Variants in NTF3 observed in about 807,000 individuals in gnomAD.
The protein encoded by NTF3 is neurotrophin-3.
In NTF3, 8 loss-of-function variants were observed where a neutral mutation model predicts 26.3. The observed-to-expected ratio is 0.30, with a 90% CI of 0.18 to 0.55. NTF3 has a LOEUF of 0.55. Among genes scored for constraint, NTF3 ranks in the 20% least tolerant of loss-of-function variants. The probability of loss-of-function intolerance (pLI) is 0.93; values close to 1 mark genes in which losing one functional copy is unlikely to be tolerated. For missense variants in NTF3, 276 were observed against 352.9 expected (o/e 0.78, Z 1.75); for synonymous variants, 154 against 145.5 (o/e 1.06, Z -0.42).
At chr12:5,448,484 C>T (rs1339070688) in intron 1 of NTF3, among the ~76,000 whole-genome samples, 6 of 152,272 alleles carry the variant, frequency 3.9e-5, no homozygotes, top group South Asian at 4.1e-4. Flanking sequence ...TCTGGGCTCT[C>T]GTGTCCTGAA....
chr12:5,485,664 C>T (rs1940858090), intron 1 of NTF3, among the ~76,000 whole-genome samples: 1 of 152,122 alleles, frequency 6.6e-6, no homozygotes, highest in East Asian at 1.9e-4. Flanking sequence ...AGTGTTTGTG[C>T]CAAAATTGCT....
chr12:5,430,481 C>T (rs1940071064), upstream of NTF3, among the ~76,000 whole-genome samples: 1 of 151,846 alleles, frequency 6.6e-6, no homozygotes, highest in South Asian at 2.1e-4. Flanking sequence ...GGTGACGCCC[C>T]TGGGCCTCGG....
chr12:5,455,533 AAC>A (rs60429736), intron 1 of NTF3, among the ~76,000 whole-genome samples: 1,640 of 103,776 alleles, frequency 0.016, 15 homozygotes, highest in African/African-American at 0.016. Flanking sequence ...ACCCCTCCCC[AAC>A]ACACACACAC....
rs1591596825 is a variant in NTF3, at chr12:5,456,793, T to C, written c.18+24451T>C. Reference sequence around the variant, plus strand: ...AAGATTTTTACCAGGCTTCCTGGAATAGACAGGGAAGCAGAGCAAGCTCCC... The same window carrying C: ...AAGATTTTTACCAGGCTTCCTGGAACAGACAGGGAAGCAGAGCAAGCTCCC... On this transcript the variant is annotated intron_variant, in intron 1 of 1. Coordinates refer to ENST00000423158, the MANE Select transcript of NTF3 (RefSeq NM_001102654.2). This position sits in a 1 kb window ranked among gnomAD's most constrained non-coding sequence, Gnocchi z 4.4. Among the ~76,000 whole-genome samples, 1 of 152,216 alleles carries C rather than the reference T, an allele frequency of 6.6e-6. No homozygotes were observed. The highest frequency in any genetic ancestry group is 1.9e-4 in the East Asian group (1 of 5,198).
At chr12:5,465,839 G>T (rs1463530529) in intron 1 of NTF3, among the ~76,000 whole-genome samples, 1 of 152,222 alleles carries the variant, frequency 6.6e-6, no homozygotes, top group East Asian at 1.9e-4. Context: ...CAAGGACTTG[G>T]CATCTATCTT....
intron 1 of NTF3, among the ~76,000 whole-genome samples, chr12:5,471,976 C>T (rs2121211968): frequency 6.6e-6 from 1 of 152,268 alleles, no homozygotes; most frequent in Middle Eastern, 3.4e-3. Flanking sequence ...AGCCCCAAGA[C>T]CTTCCTCTGC....
At chr12:5,488,969 T>C (rs1433801185) in intron 1 of NTF3, among the ~76,000 whole-genome samples, 1 of 152,228 alleles carries the variant, frequency 6.6e-6, no homozygotes, top group Non-Finnish European at 1.5e-5. Context: ...CTCTCATGAC[T>C]CCTCTCTGAG....
At chr12:5,468,091 G>T (rs982767915) in intron 1 of NTF3, among the ~76,000 whole-genome samples, 1 of 152,050 alleles carries the variant, frequency 6.6e-6, no homozygotes, top group African/African-American at 2.4e-5. Context: ...TTTAAATCTG[G>T]TTTCAATCAA....
rs1276214171 is a variant in NTF3, at chr12:5,486,392, C to A, written c.19-7802C>A. Reference sequence around the variant, plus strand: ...CCTTCAACCCTCTAGAGGAAGCCAACTTCTTTATTCTGCCATTTTGAGACT... The same window carrying A: ...CCTTCAACCCTCTAGAGGAAGCCAAATTCTTTATTCTGCCATTTTGAGACT... On this transcript the variant is annotated intron_variant, in intron 1 of 1. Transcript: ENST00000423158. Among the ~76,000 whole-genome samples the A allele has an allele frequency of 2.0e-5, 3 of 152,176 alleles. No homozygotes were observed. The East Asian group carries it at 5.8e-4, about 29-fold the overall frequency.
intron 1 of NTF3, among the ~76,000 whole-genome samples, chr12:5,452,288 G>T (rs547216161): frequency 6.6e-6 from 1 of 151,358 alleles, no homozygotes; most frequent in African/African-American, 2.4e-5. Context: ...TAGAGACGGG[G>T]TTTCACCATG....
At chr12:5,469,307 G>A (rs1940634809) in intron 1 of NTF3, among the ~76,000 whole-genome samples, 1 of 152,122 alleles carries the variant, frequency 6.6e-6, no homozygotes, top group African/African-American at 2.4e-5. Context: ...TAATGACATG[G>A]GAGCCATTTT....
At chr12:5,475,854 AAGAG>A (rs71064158) in intron 1 of NTF3, among the ~76,000 whole-genome samples, 1,697 of 146,764 alleles carry the variant, frequency 0.012, 16 homozygotes, top group African/African-American at 0.034. Flanking sequence ...AAAAAGAAGA[AAGAG>A]AGAGAGAGAG....
intron 1 of NTF3, among the ~76,000 whole-genome samples, chr12:5,441,045 T>C (rs1413415960): frequency 1.3e-5 from 2 of 152,328 alleles, no homozygotes; most frequent in African/African-American, 2.4e-5. Context: ...GAGAGGTTTA[T>C]GTGGGATTAA....
At chr12:5,490,231 G>A (rs116872676) in intron 1 of NTF3, among the ~76,000 whole-genome samples, 1,754 of 152,298 alleles carry the variant, frequency 0.012, 16 homozygotes, top group Non-Finnish European at 0.019. Context: ...AAAAGCCCAT[G>A]CAGGCTCTCC....
chr12:5,473,827 A>G (rs982750047), intron 1 of NTF3, among the ~76,000 whole-genome samples: 3 of 152,210 alleles, frequency 2.0e-5, no homozygotes, highest in African/African-American at 7.2e-5. Flanking sequence ...TCTCTTTGGC[A>G]TCTGAATCCT....
chr12:5,443,043 G>T (rs979282310), intron 1 of NTF3, among the ~76,000 whole-genome samples: 1 of 152,318 alleles, frequency 6.6e-6, no homozygotes, highest in South Asian at 2.1e-4. Context: ...TAGGCTGGGG[G>T]ATTTGGGAAA....
intron 1 of NTF3, among the ~76,000 whole-genome samples, chr12:5,477,628 C>T (rs1357862616): frequency 6.6e-6 from 1 of 152,104 alleles, no homozygotes; most frequent in Non-Finnish European, 1.5e-5. Context: ...CAGTTCTTGC[C>T]AGAGAGTAAG....
chr12:5,446,098 C>G (rs928143627), intron 1 of NTF3, among the ~76,000 whole-genome samples: 4 of 152,164 alleles, frequency 2.6e-5, no homozygotes, highest in African/African-American at 9.7e-5. Context: ...GTTCCCCTGA[C>G]AGCTCCCAGA....
intron 1 of NTF3, among the ~76,000 whole-genome samples, chr12:5,465,565 G>T (rs1565390957): frequency 6.6e-6 from 1 of 152,218 alleles, no homozygotes; most frequent in East Asian, 1.9e-4. Context: ...TGCACAGCAG[G>T]CATATATCAT....
Sources: allele counts gnomAD v4.1 joint callset (sites outside exome capture counted in the v4.1 genomes callset), GRCh38; gene constraint gnomAD v4.1.1; non-coding constraint Gnocchi (gnomAD v3.1); transcripts MANE v1.5; gene names NCBI Gene and HGNC (gene_info 2026-07-23, HGNC 2026-07-21).